Variants in DCLRE1B observed in about 807,000 individuals in gnomAD.
DCLRE1B encodes the protein 5' exonuclease Apollo.
In DCLRE1B, 6 loss-of-function variants were observed where a neutral mutation model predicts 19.8. That is an observed-to-expected ratio of 0.30 (90% CI 0.17 to 0.60). The LOEUF is 0.60. Ranked by LOEUF, DCLRE1B falls within the 20% of genes least tolerant of loss-of-function variation. The probability of loss-of-function intolerance (pLI) is 0.87; values close to 1 mark genes in which losing one functional copy is unlikely to be tolerated. For synonymous variants in DCLRE1B, 258 were observed against 255.7 expected, an observed-to-expected ratio of 1.01 and a Z score of -0.09; for missense variants, 622 against 654.2, an observed-to-expected ratio of 0.95 and a Z score of 0.54.
At chr1:113,910,387 T>A (rs1449099480) in intron 3 of DCLRE1B, among the ~76,000 whole-genome samples, 3 of 152,230 alleles carry the variant, frequency 2.0e-5, no homozygotes, top group Non-Finnish European at 2.9e-5. Context: ...CCTCTTAAAA[T>A]GTTTTCCACT....
Position 113,905,794 on chromosome 1 carries a change from T to G in DCLRE1B, c.189+19T>G. 1 of 1,598,434 alleles carries G rather than the reference T, an allele frequency of 6.3e-7. No individual in the cohort carries two copies. The highest frequency in any genetic ancestry group is 1.1e-5 in the South Asian group (1 of 90,008). On this transcript the variant is annotated intron_variant, in intron 1 of 3. Transcript: ENST00000650450. Reference sequence around the variant, plus strand: ...CCTACAGGTATGGGGCTGGAGTCGGTCTCCGAGAGCTGGTCCAGGCATCTG... The same window carrying G: ...CCTACAGGTATGGGGCTGGAGTCGGGCTCCGAGAGCTGGTCCAGGCATCTG...
At chr1:113,904,625 A>C (rs766434944), upstream of DCLRE1B, 1 of 1,613,918 alleles carries the variant, frequency 6.2e-7, no homozygotes, top group East Asian at 2.2e-5. Flanking sequence ...GCTGGATGAC[A>C]TTCCGGTAGC....
chr1:113,905,307 T>A, upstream of DCLRE1B: 1 of 454,588 alleles, frequency 2.2e-6, no homozygotes, highest in Non-Finnish European at 3.9e-6. Flanking sequence ...CTTTGGCCTG[T>A]CTCCTCCCTG....
chr1:113,907,875 A>G (rs1359734491), intron 2 of DCLRE1B, 134 bp from the exon 3 acceptor site: 1 of 891,706 alleles, frequency 1.1e-6, no homozygotes, highest in African/African-American at 1.7e-5. Flanking sequence ...TATACTGCCT[A>G]GTTCAGTGCC....
intron 3 of DCLRE1B, 89 bp from the exon 4 acceptor site, chr1:113,911,042 G>A (rs1044219970): frequency 3.2e-6 from 4 of 1,258,172 alleles, no homozygotes; most frequent in Non-Finnish European, 3.3e-6. Flanking sequence ...ATCTATTTTT[G>A]TTAAACATTT....
intron 3 of DCLRE1B, among the ~76,000 whole-genome samples, chr1:113,909,848 A>G (rs1266972375): frequency 1.3e-5 from 2 of 152,094 alleles, no homozygotes; most frequent in African/African-American, 2.4e-5. Flanking sequence ...TGGAAGTGGG[A>G]ATATATATAG....
Position 113,911,363 on chromosome 1 carries a change from A to G in DCLRE1B, c.771A>G (p.Thr257=), listed in dbSNP as rs768273057. 52 of 1,613,964 alleles carry G rather than the reference A, an allele frequency of 3.2e-5. No individual in the cohort carries two copies. Among genetic ancestry groups the G allele is most frequent in the Admixed American group, 6.7e-5 (4 of 59,984 alleles). ...ACCCTACGATTGCTATCCTTCCCAC[A>G]AGCCGAAAAATCCACAGCTCCCACC... is the stretch of plus-strand genomic sequence containing the variant. The part of the protein sequence containing the change: ...QTHPTIAILP[T]SRKIHSSHPD... The change falls in exon 4 of 4, where the codon ACA becomes ACG. Residue 257 remains threonine, a synonymous_variant. Transcript: ENST00000650450.
At chr1:113,905,092 GAT>G (rs1463699174), upstream of DCLRE1B, 1 of 372,170 alleles carries the variant, frequency 2.7e-6, no homozygotes, top group African/African-American at 2.1e-5. Flanking sequence ...TCTCATCGCG[GAT>G]AGGCCCAATC....
intron 3 of DCLRE1B, among the ~76,000 whole-genome samples, chr1:113,910,827 G>A (rs747005656): frequency 6.6e-6 from 1 of 152,126 alleles, no homozygotes; most frequent in South Asian, 2.1e-4. Flanking sequence ...GCTCTTAATT[G>A]TGGTTTTTCT....
Position 113,905,422 on chromosome 1 carries a change from T to G in DCLRE1B, c.-165T>G, listed in dbSNP as rs1207904868. On this transcript the variant is annotated 5_prime_UTR_variant, in exon 1 of 4. Coordinates refer to ENST00000650450, the MANE Select transcript of DCLRE1B (RefSeq NM_022836.4). ...CCAGCGGGCAGGGTGACTTCCTTTT[T>G]CTGCCCACTCTGGTAACTTATTGCT... 1.6e-5 allele frequency: 11 copies of G among 702,790 alleles called. No individual in the cohort carries two copies. The highest frequency in any genetic ancestry group is 2.5e-5 in the Non-Finnish European group (11 of 431,928). 43.5% of individuals were successfully genotyped at this position (702,790 alleles called of 1,614,324 possible).
In DCLRE1B at chr1:113,905,651, G is replaced by A. The variant is rs750020628; in HGVS notation, c.65G>A (p.Gly22Asp). Residue 22 changes from glycine to aspartate, a missense_variant, in exon 1 of 4, where the codon GGC becomes GAC. Coordinates refer to ENST00000650450, the MANE Select transcript of DCLRE1B (RefSeq NM_022836.4). ...AVDFWSLRRA[G>D]TARLFFLSHM... The stretch of plus-strand genomic sequence containing the variant: ...GACTTCTGGAGCCTGCGCCGGGCTG[G>A]CACCGCACGTCTCTTCTTCTTGTCT... 4 of 1,614,156 alleles carry A rather than the reference G, an allele frequency of 2.5e-6. No homozygotes were observed. The highest frequency in any genetic ancestry group is 2.5e-6 in the Non-Finnish European group (3 of 1,180,040).
In DCLRE1B at chr1:113,911,259, G is replaced by A; in HGVS notation, c.667G>A (p.Glu223Lys). The A allele has an allele frequency of 6.2e-7, 1 of 1,614,150 alleles. No homozygotes were observed. Among genetic ancestry groups the A allele is most frequent in the Non-Finnish European group, 8.5e-7 (1 of 1,180,022 alleles). ...GGGCCTGGCAGATGTGTTCACAGTG[G>A]AGGAGAAGGCTGGCCGCATCCATGC... Reference protein sequence around the residue: ...LLGLADVFTVEEKAGRIHAVD... With the variant: ...LLGLADVFTVKEKAGRIHAVD... Residue 223 changes from glutamate (E) to lysine (K), a missense_variant, in exon 4 of 4, where the codon GAG becomes AAG. By Grantham distance (56) the Glu-to-Lys change is moderately conservative. Transcript: ENST00000650450.
In DCLRE1B at chr1:113,911,472, G is replaced by T; in HGVS notation, c.880G>T (p.Val294Leu). The T allele has an allele frequency of 6.2e-7, 1 of 1,614,160 alleles. No homozygotes were observed. The change falls in exon 4 of 4, where the codon GTG becomes TTG. Residue 294 changes from valine (V) to leucine (L), a missense_variant. Physicochemically the swap from Val to Leu is conservative, Grantham distance 32. This residue lies in a region of DCLRE1B where 382 missense variants were observed against 412.5 expected (regional missense o/e 0.93). Coordinates refer to ENST00000650450, the MANE Select transcript of DCLRE1B (RefSeq NM_022836.4). The stretch of plus-strand genomic sequence containing the variant: ...TGTCGCAGCACTGAAGCCTTGCCAG[G>T]TGGTGCCCATTGTAAGTCGGCGGCC... Reference protein sequence around the residue: ...AFVAALKPCQVVPIVSRRPCG... With the variant: ...AFVAALKPCQLVPIVSRRPCG...
At chr1:113,906,817 G>A (rs1331302727) in intron 1 of DCLRE1B, among the ~76,000 whole-genome samples, 179 bp from the exon 2 acceptor site, 2 of 152,100 alleles carry the variant, frequency 1.3e-5, no homozygotes, top group Non-Finnish European at 1.5e-5. Context: ...ATTGTACAAA[G>A]GGTGGGATGG....
Position 113,913,343 on chromosome 1 carries a change from A to G in DCLRE1B, c.*1152A>G, listed in dbSNP as rs1669334407. ...GAGCCCTAGCAGTGAAGAAGATTCC[A>G]TTTCTTGTCCAGGGGATTTAAAAGA... On this transcript the variant is annotated 3_prime_UTR_variant, in exon 4 of 4. Transcript: ENST00000650450. The G allele has an allele frequency of 6.5e-6, 1 of 152,798 alleles. No individual in the cohort carries two copies. Among genetic ancestry groups the G allele is most frequent in the African/African-American group, 2.4e-5 (1 of 41,454 alleles). 9.5% of individuals were successfully genotyped at this position (152,798 alleles called of 1,614,324 possible).
At chr1:113,907,586 C>A (rs1669083377) in intron 2 of DCLRE1B, among the ~76,000 whole-genome samples, 1 of 152,090 alleles carries the variant, frequency 6.6e-6, no homozygotes, top group Admixed American at 6.5e-5. Flanking sequence ...TCTCTTGCCT[C>A]AGCCTCCCAA....
intron 2 of DCLRE1B, among the ~76,000 whole-genome samples, chr1:113,907,536 T>C (rs187215608): frequency 1.5e-3 from 231 of 152,084 alleles, no homozygotes; most frequent in African/African-American, 5.4e-3. Context: ...GTGGCGTGAT[T>C]GTGGCTCACT....
Position 113,913,155 on chromosome 1 carries a change from G to C in DCLRE1B, c.*964G>C, listed in dbSNP as rs1433006573. ...CCAAGGAGCCAGCTGGCGGGAAGGG[G>C]TGGGGGTGTGCAGTCTGCCCTGTCC... On this transcript the variant is annotated 3_prime_UTR_variant, in exon 4 of 4. Transcript: ENST00000650450. 1 of 153,116 alleles carries C rather than the reference G, an allele frequency of 6.5e-6. No homozygotes were observed. The highest frequency in any genetic ancestry group is 1.5e-5 in the Non-Finnish European group (1 of 68,338). The allele number at this position is 153,116 out of a possible 1,614,324, so 9.5% of individuals were successfully genotyped here.
In DCLRE1B at chr1:113,911,318, G is replaced by A. The variant is rs1669244563; in HGVS notation, c.726G>A (p.Met242Ile). The A allele has an allele frequency of 6.2e-7, 1 of 1,614,156 alleles. No homozygotes were observed. Residue 242 changes from methionine (M) to isoleucine (I), a missense_variant, in exon 4 of 4, where the codon ATG becomes ATA. Coordinates refer to ENST00000650450, the MANE Select transcript of DCLRE1B (RefSeq NM_022836.4). ...ATATGGAGATCTGCCATTCCAACAT[G>A]CTGCGTTGGAACCAGACCCACCCTA... Reference protein sequence around the residue: ...VDHMEICHSNMLRWNQTHPTI... With the variant: ...VDHMEICHSNILRWNQTHPTI...
Sources: gnomAD v4.1 joint callset for allele counts (sites outside exome capture counted in the v4.1 genomes callset) on GRCh38, gnomAD v4.1.1 for gene constraint, gnomAD v4.1.1 regional missense constraint, MANE v1.5 for transcripts, NCBI Gene and HGNC (gene_info 2026-07-23, HGNC 2026-07-21) for gene names.